PITPNC1: variants seen among roughly 807,000 people sequenced by gnomAD.
PITPNC1 encodes cytoplasmic phosphatidylinositol transfer protein 1.
A neutral mutation model predicts 44.7 loss-of-function variants in PITPNC1; 18 were observed. The ratio of observed to expected loss-of-function variants is 0.40; its 90% confidence interval spans 0.28 to 0.60. The LOEUF is 0.60. Among genes scored for constraint, PITPNC1 ranks in the 20% least tolerant of loss-of-function variants. PITPNC1 has a pLI of 0.39. For missense variants in PITPNC1, 290 were observed against 418.4 expected (o/e 0.69, Z 2.68); for synonymous variants, 141 against 149.6 (o/e 0.94, Z 0.42).
chr17:67,682,606 C>T (rs2042731383), intron 8 of PITPNC1, among the ~76,000 whole-genome samples: 1 of 152,084 alleles, frequency 6.6e-6, no homozygotes, highest in Non-Finnish European at 1.5e-5. Context: ...ATGTGTGTTC[C>T]CAAAATACTT....
chr17:67,440,383 G>A (rs1475320960), intron 1 of PITPNC1, among the ~76,000 whole-genome samples: 3 of 152,006 alleles, frequency 2.0e-5, no homozygotes, highest in Non-Finnish European at 4.4e-5. Context: ...CTAAGCCTTC[G>A]TTTGCTCTGG....
intron 1 of PITPNC1, among the ~76,000 whole-genome samples, chr17:67,489,665 G>A (rs1312434118): frequency 6.6e-6 from 1 of 152,174 alleles, no homozygotes; most frequent in Non-Finnish European, 1.5e-5. Context: ...GGGTTCTGTA[G>A]CACCCAAGTG....
intron 1 of PITPNC1, among the ~76,000 whole-genome samples, chr17:67,424,488 C>G (rs2038716018): frequency 6.6e-6 from 1 of 151,972 alleles, no homozygotes; most frequent in Non-Finnish European, 1.5e-5. Flanking sequence ...GAAACCTTGT[C>G]TCTTCTAAAA....
At chr17:67,628,235 A>T (rs1291087552) in intron 5 of PITPNC1, among the ~76,000 whole-genome samples, 1 of 152,026 alleles carries the variant, frequency 6.6e-6, no homozygotes, top group Non-Finnish European at 1.5e-5. Context: ...TTTGCAGCAC[A>T]TACTCCATTC....
At chr17:67,658,868 G>A (rs1156478816) in intron 6 of PITPNC1, among the ~76,000 whole-genome samples, 2 of 151,400 alleles carry the variant, frequency 1.3e-5, no homozygotes, top group Non-Finnish European at 2.9e-5. Flanking sequence ...GTCAACTGCA[G>A]GGGGGAAGCC....
intron 1 of PITPNC1, among the ~76,000 whole-genome samples, chr17:67,488,378 C>G (rs1467603655): frequency 6.6e-6 from 1 of 152,174 alleles, no homozygotes; most frequent in Non-Finnish European, 1.5e-5. Flanking sequence ...CCTCCCTGTG[C>G]CCCGGGGGAG....
intron 1 of PITPNC1, among the ~76,000 whole-genome samples, chr17:67,503,169 T>TA (rs973605150): frequency 4.6e-5 from 7 of 152,142 alleles, no homozygotes; most frequent in Non-Finnish European, 1.0e-4. Context: ...AAAATAAAGT[T>TA]ACCAAAAACT....
At chr17:67,582,033 CA>C (rs1311679337) in intron 5 of PITPNC1, among the ~76,000 whole-genome samples, 4 of 147,650 alleles carry the variant, frequency 2.7e-5, no homozygotes, top group African/African-American at 5.0e-5. Flanking sequence ...AACTCTGTCT[CA>C]AAAAAAAAGA....
chr17:67,484,430 C>T (rs1256498443), intron 1 of PITPNC1, among the ~76,000 whole-genome samples: 1 of 152,208 alleles, frequency 6.6e-6, no homozygotes. Context: ...CTTGACTTCG[C>T]ATCAAATCAT....
At chr17:67,407,440 C>T (rs970888360) in intron 1 of PITPNC1, among the ~76,000 whole-genome samples, 1 of 152,148 alleles carries the variant, frequency 6.6e-6, no homozygotes, top group Admixed American at 6.5e-5. Context: ...CAAATATTTT[C>T]TTCCATTCTG....
intron 1 of PITPNC1, among the ~76,000 whole-genome samples, chr17:67,465,058 G>C (rs1380531136): frequency 1.3e-5 from 2 of 152,202 alleles, no homozygotes; most frequent in Non-Finnish European, 2.9e-5. Flanking sequence ...ACTTTTAATT[G>C]ACTGTGCCCC....
At chr17:67,526,083 TTCC>T (rs1189255151) in intron 1 of PITPNC1, among the ~76,000 whole-genome samples, 14 of 152,196 alleles carry the variant, frequency 9.2e-5, no homozygotes, top group Non-Finnish European at 1.2e-4. Flanking sequence ...AAAGCCATGG[TTCC>T]CGCTGTTCAC....
chr17:67,459,107 C>CT (rs2039298403), intron 1 of PITPNC1, among the ~76,000 whole-genome samples: 12 of 126,818 alleles, frequency 9.5e-5, no homozygotes, highest in African/African-American at 1.9e-4. Context: ...TTTTTTTTTT[C>CT]TTTTTCTTTT....
chr17:67,379,696 G>A (rs538030653), intron 1 of PITPNC1, among the ~76,000 whole-genome samples: 1 of 152,176 alleles, frequency 6.6e-6, no homozygotes, highest in Non-Finnish European at 1.5e-5. Context: ...TCCAGAAAAG[G>A]TGGAGATTGT....
rs188527999 is a variant in PITPNC1 at position 67,537,840 on chromosome 17, C to T, written c.197+4890C>T. Among the ~76,000 whole-genome samples, 69 of 151,540 alleles carry T rather than the reference C, an allele frequency of 4.6e-4. 1 individual carries two copies. The highest frequency in any genetic ancestry group is 1.6e-3 in the African/African-American group (65 of 41,292). On this transcript the variant is annotated intron_variant, in intron 2 of 8. Transcript: ENST00000581322. ...CAAAAAAATTAGCCAGGCATGGTGG[C>T]GGGTGCCTGTAATCCCAGCTACTCT...
At chr17:67,445,016 A>T (rs73996718) in intron 1 of PITPNC1, among the ~76,000 whole-genome samples, 1 of 140,728 alleles carries the variant, frequency 7.1e-6, no homozygotes, top group Non-Finnish European at 1.6e-5. Context: ...TGTTTTTTTT[A>T]GGGGAAAAGG....
At position 67,540,916 on chromosome 17, in the gene PITPNC1, C is replaced by T. The variant is rs911299632; in HGVS notation, c.197+7966C>T. 2.0e-5 allele frequency among the ~76,000 whole-genome samples: 3 copies of T among 152,280 alleles called. No individual in the cohort carries two copies. The East Asian group carries it at 5.8e-4, about 29-fold the overall frequency. ...AACCCACAGCCAGGAAGGATGATAACTCTAAAAGACTGAGTGAGGGCTGGA... is the reference window on the plus strand; with the variant it reads ...AACCCACAGCCAGGAAGGATGATAATTCTAAAAGACTGAGTGAGGGCTGGA... On this transcript the variant is annotated intron_variant, in intron 2 of 8. Transcript: ENST00000581322.
chr17:67,403,218 C>CAAAAAAAAAAAAAAA lies in PITPNC1; in HGVS notation c.48+25025_48+25039dup, dbSNP rs34768084. 7.3e-4 allele frequency among the ~76,000 whole-genome samples: 50 copies of CAAAAAAAAAAAAAAA among 68,946 alleles called. 6 individuals carry two copies. The highest frequency in any genetic ancestry group is 1.6e-3 in the African/African-American group (31 of 19,110). 45.2% of individuals were successfully genotyped at this position (68,946 alleles called of 152,430 possible). On this transcript the variant is annotated intron_variant, in intron 1 of 8. Coordinates refer to ENST00000581322, the MANE Select transcript of PITPNC1 (RefSeq NM_012417.4). ...GGCAACACAGTGGACCTCATCTCTA[C>CAAAAAAAAAAAAAAA]AAAAAAAAAAAAAAAAAAAAAAAGT...
At chr17:67,678,117 G>A (rs958520247) in intron 8 of PITPNC1, among the ~76,000 whole-genome samples, 13 of 151,888 alleles carry the variant, frequency 8.6e-5, no homozygotes, top group Non-Finnish European at 1.9e-4. Flanking sequence ...TCAGGAGACC[G>A]AGGTGAAAGG....
Sources: allele counts gnomAD v4.1 joint callset (sites outside exome capture counted in the v4.1 genomes callset), GRCh38; gene constraint gnomAD v4.1.1; transcripts MANE v1.5; gene names NCBI Gene and HGNC (gene_info 2026-07-23, HGNC 2026-07-21).